The following SLC4A4 variants were observed in gnomAD, a reference collection of about 807,000 sequenced individuals.
SLC4A4 encodes the protein solute carrier family 4 member 4.
In SLC4A4, 27 loss-of-function variants were observed where a neutral mutation model predicts 111.5. That is an observed-to-expected ratio of 0.24 (90% CI 0.18 to 0.33). The LOEUF (loss-of-function observed/expected upper bound fraction) is 0.33. Ranked by LOEUF, SLC4A4 falls within the 10% of genes least tolerant of loss-of-function variation. SLC4A4 has a pLI of 1.00. For synonymous variants in SLC4A4, 443 were observed against 463.4 expected (o/e 0.96, Z 0.57); for missense variants, 909 against 1,315.5 (o/e 0.69, Z 4.78).
At chr4:71,422,166 T>C (rs1309128187) in intron 7 of SLC4A4, among the ~76,000 whole-genome samples, 1 of 140,842 alleles carries the variant, frequency 7.1e-6, no homozygotes, top group Non-Finnish European at 1.5e-5. Context: ...TCACCACCGA[T>C]CCCACAGAAA....
chr4:71,084,384 C>T (rs1303419337), intron 1 of SLC4A4, among the ~76,000 whole-genome samples: 1 of 151,928 alleles, frequency 6.6e-6, no homozygotes, highest in African/African-American at 2.4e-5. Context: ...CACCAAATGA[C>T]AGTTTTTTAA....
chr4:71,339,543 GA>G (rs759454864), intron 4 of SLC4A4, 38 bp downstream of exon 4: 18 of 1,603,632 alleles, frequency 1.1e-5, no homozygotes, highest in Non-Finnish European at 1.4e-5. Flanking sequence ...CTGACCCAGG[GA>G]AACAAGGGCA....
At chr4:71,367,492 C>T (rs1731439438) in intron 6 of SLC4A4, among the ~76,000 whole-genome samples, 1 of 152,084 alleles carries the variant, frequency 6.6e-6, no homozygotes, top group African/African-American at 2.4e-5. Flanking sequence ...GCTAAGCCTG[C>T]AGGAATATTG....
At chr4:71,114,108 G>T (rs542968732) in intron 2 of SLC4A4, among the ~76,000 whole-genome samples, 1 of 152,136 alleles carries the variant, frequency 6.6e-6, no homozygotes, top group African/African-American at 2.4e-5. Context: ...TTAGCCGGGC[G>T]TGGTGGCAGG....
At chr4:71,236,100 G>C in intron 1 of SLC4A4, 1 of 1,007,518 alleles carries the variant, frequency 9.9e-7, no homozygotes, top group Non-Finnish European at 1.2e-6. Flanking sequence ...TCTGCGTGTG[G>C]GTGGGTGTGC....
At chr4:71,565,070 T>A (rs1253994169) in intron 24 of SLC4A4, among the ~76,000 whole-genome samples, 1 of 151,588 alleles carries the variant, frequency 6.6e-6, no homozygotes, top group Non-Finnish European at 1.5e-5. Context: ...TACTCCACAG[T>A]GTGGGAGTGG....
At chr4:71,138,398 C>A (rs1414387009) in intron 2 of SLC4A4, among the ~76,000 whole-genome samples, 2 of 152,116 alleles carry the variant, frequency 1.3e-5, no homozygotes, top group African/African-American at 4.8e-5. Flanking sequence ...AACTCTCTTG[C>A]AACACATTAA....
chr4:71,448,756 T>C (rs1189965679), intron 9 of SLC4A4, among the ~76,000 whole-genome samples: 1 of 152,190 alleles, frequency 6.6e-6, no homozygotes, highest in Non-Finnish European at 1.5e-5. Context: ...TCCCCAAATG[T>C]ATTGCTTTTG....
intron 1 of SLC4A4, among the ~76,000 whole-genome samples, chr4:71,213,885 C>A (rs191091909): frequency 6.6e-6 from 1 of 152,164 alleles, no homozygotes; most frequent in East Asian, 1.9e-4. Context: ...GCACCTGGAT[C>A]TTGGACGTCC....
At chr4:71,441,938 G>C (rs2149060632) in intron 8 of SLC4A4, among the ~76,000 whole-genome samples, 1 of 152,230 alleles carries the variant, frequency 6.6e-6, no homozygotes, top group East Asian at 1.9e-4. Context: ...CTTTTTGCTT[G>C]AAAACATTCC....
Position 71,355,614 on chromosome 4 carries a change from C to T in SLC4A4, c.551-1394C>T, listed in dbSNP as rs1730216980. On this transcript the variant is annotated intron_variant, in intron 5 of 25. Coordinates refer to ENST00000264485, the MANE Select transcript of SLC4A4 (RefSeq NM_001098484.3). The stretch of plus-strand genomic sequence containing the variant: ...CTCTGTGAGGCATGTGATGGAAAAT[C>T]CTGGATTCAGCCTCTGCTTGGCTTC... Among the ~76,000 whole-genome samples the T allele has an allele frequency of 1.3e-5, 2 of 152,216 alleles. 1 individual carries two copies. Among genetic ancestry groups the T allele is most frequent in the South Asian group, 4.1e-4 (2 of 4,828 alleles).
intron 2 of SLC4A4, among the ~76,000 whole-genome samples, chr4:71,102,808 G>A (rs1226175414): frequency 7.3e-5 from 11 of 151,640 alleles, no homozygotes; most frequent in African/African-American, 2.7e-4. Flanking sequence ...ACCAGCTGCT[G>A]CAAAATCATG....
At chr4:71,118,217 T>C (rs1743324690) in intron 2 of SLC4A4, among the ~76,000 whole-genome samples, 1 of 152,230 alleles carries the variant, frequency 6.6e-6, no homozygotes, top group East Asian at 1.9e-4. Flanking sequence ...TTATTGCTTT[T>C]TTACCTTAAC....
intron 16 of SLC4A4, among the ~76,000 whole-genome samples, chr4:71,514,741 T>G (rs1256556019): frequency 6.6e-6 from 1 of 152,200 alleles, no homozygotes; most frequent in Non-Finnish European, 1.5e-5. Flanking sequence ...TTCCAGGAAT[T>G]TATCCATTTC....
chr4:71,316,153 A>G (rs1222814690), intron 3 of SLC4A4, among the ~76,000 whole-genome samples: 1 of 152,204 alleles, frequency 6.6e-6, no homozygotes, highest in African/African-American at 2.4e-5. Context: ...TAGCAGTGTC[A>G]GTATCTCAGT....
intron 7 of SLC4A4, among the ~76,000 whole-genome samples, chr4:71,403,166 G>A (rs891263848): frequency 2.0e-5 from 3 of 152,056 alleles, no homozygotes; most frequent in Non-Finnish European, 2.9e-5. Context: ...GAAGTAAACT[G>A]AACTCTATCT....
chr4:71,373,429 C>T (rs977960607), intron 6 of SLC4A4, among the ~76,000 whole-genome samples: 11 of 152,120 alleles, frequency 7.2e-5, no homozygotes, highest in East Asian at 1.9e-4. Context: ...TATATATTTC[C>T]GTAAATAGAG....
chr4:71,083,001 A>G (rs1002051741), intron 1 of SLC4A4, among the ~76,000 whole-genome samples: 1 of 151,742 alleles, frequency 6.6e-6, no homozygotes, highest in Admixed American at 6.6e-5. Context: ...TTACAGGCGC[A>G]TGCCACCATG....
intron 6 of SLC4A4, among the ~76,000 whole-genome samples, chr4:71,361,147 G>T (rs117629121): frequency 6.6e-6 from 1 of 152,152 alleles, no homozygotes; most frequent in Non-Finnish European, 1.5e-5. Flanking sequence ...ATACTTGGTT[G>T]TGACAATATC....
Sources: allele counts gnomAD v4.1 joint callset (sites outside exome capture counted in the v4.1 genomes callset), GRCh38; gene constraint gnomAD v4.1.1; transcripts MANE v1.5; gene names NCBI Gene and HGNC (gene_info 2026-07-23, HGNC 2026-07-21).